LPP: variants seen among roughly 807,000 people sequenced by gnomAD.
LPP encodes the protein LIM domain containing preferred translocation partner in lipoma.
A neutral mutation model predicts 60.4 loss-of-function variants in LPP; 38 were observed. The ratio of observed to expected loss-of-function variants is 0.63; its 90% CI spans 0.49 to 0.83. The LOEUF is 0.83. Among genes scored for constraint, LPP ranks in the 40% least tolerant of loss-of-function variants. The pLI is 0.00. For missense variants in LPP, 902 were observed against 783.6 expected (o/e 1.15, Z -1.80); for synonymous variants, 328 against 290.8 (o/e 1.13, Z -1.30).
At chr3:188,340,377 G>A (rs1762717918) in intron 2 of LPP, among the ~76,000 whole-genome samples, 1 of 150,928 alleles carries the variant, frequency 6.6e-6, no homozygotes, top group African/African-American at 2.4e-5. Context: ...TTCTTGCAGG[G>A]CATCTGATCA....
intron 9 of LPP, among the ~76,000 whole-genome samples, chr3:188,768,417 C>A (rs1734815390): frequency 6.6e-6 from 1 of 152,148 alleles, no homozygotes; most frequent in Non-Finnish European, 1.5e-5. Flanking sequence ...AAATTGAATA[C>A]CACATAATAA....
intron 6 of LPP, among the ~76,000 whole-genome samples, chr3:188,538,362 C>T (rs773515274): frequency 6.6e-6 from 1 of 152,042 alleles, no homozygotes; most frequent in Non-Finnish European, 1.5e-5. Context: ...AAAAAGACAG[C>T]CCAATTAAGT....
At chr3:188,830,571 C>T (rs552445483) in intron 9 of LPP, among the ~76,000 whole-genome samples, 11 of 151,962 alleles carry the variant, frequency 7.2e-5, no homozygotes, top group African/African-American at 2.7e-4. Flanking sequence ...CACCACTGCA[C>T]TCCAGCCTGG....
Position 188,866,341 on chromosome 3 carries a change from G to T in LPP, c.1552G>T (p.Ala518Ser). 1 of 1,570,160 alleles carries T rather than the reference G, an allele frequency of 6.4e-7. No individual in the cohort carries two copies. Reference sequence around the variant, plus strand: ...GGATGGGATCCCATTCACTGTGGATGCTGGCGGGCTCATTCACTGCATTGA... The same window carrying T: ...GGATGGGATCCCATTCACTGTGGATTCTGGCGGGCTCATTCACTGCATTGA... ...SLDGIPFTVD[A>S]GGLIHCIEDF... Residue 518 changes from alanine to serine, a missense_variant, in exon 10 of 12, where the codon GCT becomes TCT. Coordinates refer to ENST00000617246, the MANE Select transcript of LPP (RefSeq NM_001375462.1).
At chr3:188,490,108 T>G (rs1041127406) in intron 5 of LPP, among the ~76,000 whole-genome samples, 2 of 152,170 alleles carry the variant, frequency 1.3e-5, no homozygotes, top group African/African-American at 2.4e-5. Flanking sequence ...TCATATTGGT[T>G]TTCTTTCCCC....
intron 7 of LPP, among the ~76,000 whole-genome samples, chr3:188,664,637 GGAGA>G (rs1050457625): frequency 1.3e-5 from 2 of 151,740 alleles, no homozygotes; most frequent in African/African-American, 2.4e-5. Flanking sequence ...GTGTGTGTGT[GGAGA>G]GAGAGAGAAG....
intron 9 of LPP, among the ~76,000 whole-genome samples, chr3:188,800,246 C>CTTTG (rs1746660692): frequency 1.0e-5 from 1 of 97,310 alleles, no homozygotes; most frequent in African/African-American, 4.1e-5. Flanking sequence ...TTGAAGCTTT[C>CTTTG]TTTTTTTTTT....
Position 188,885,574 on chromosome 3 carries a change from T to A in LPP, c.*11095T>A, listed in dbSNP as rs1021224675. The A allele has an allele frequency of 5.9e-6, 1 of 168,282 alleles. No individual in the cohort carries two copies. The highest frequency in any genetic ancestry group is 1.3e-5 in the Non-Finnish European group (1 of 77,178). The allele number at this position is 168,282 out of a possible 1,614,324, so 10.4% of individuals were successfully genotyped here. ...TTGGGTTGGTTCCAAGTCTTTGCTA[T>A]TGTGAATAGTGCCGCAATAAACATA... On this transcript the variant is annotated 3_prime_UTR_variant, in exon 12 of 12. Transcript: ENST00000617246.
chr3:188,640,189 T>C (rs566996975), intron 7 of LPP, among the ~76,000 whole-genome samples: 110 of 150,854 alleles, frequency 7.3e-4, no homozygotes, highest in African/African-American at 2.6e-3. Context: ...TATGCAGCCA[T>C]AAAAAATGAT....
At chr3:188,223,084 A>G (rs1242912084) in intron 1 of LPP, among the ~76,000 whole-genome samples, 1 of 152,192 alleles carries the variant, frequency 6.6e-6, no homozygotes, top group African/African-American at 2.4e-5. Context: ...GGCCAACTCC[A>G]TCATTCCCTT....
chr3:188,832,461 C>T (rs1458543726), intron 9 of LPP, among the ~76,000 whole-genome samples: 4 of 152,208 alleles, frequency 2.6e-5, no homozygotes, highest in African/African-American at 9.6e-5. Context: ...TCAGCTGACA[C>T]TTTGATTGCA....
chr3:188,744,162 G>A (rs536181377), intron 8 of LPP, among the ~76,000 whole-genome samples: 12 of 151,982 alleles, frequency 7.9e-5, no homozygotes, highest in Non-Finnish European at 1.2e-4. Flanking sequence ...ACTTACACAC[G>A]TGTACACAAA....
intron 4 of LPP, among the ~76,000 whole-genome samples, chr3:188,474,486 T>G (rs1271149661): frequency 1.4e-5 from 2 of 146,240 alleles, no homozygotes; most frequent in African/African-American, 4.9e-5. Context: ...CTATTTAAAG[T>G]GTTTTTATTA....
intron 9 of LPP, among the ~76,000 whole-genome samples, chr3:188,777,300 T>G (rs1257286189): frequency 2.0e-5 from 3 of 152,124 alleles, no homozygotes. Flanking sequence ...GGTTTTTTTT[T>G]TTTTTTACCT....
intron 6 of LPP, among the ~76,000 whole-genome samples, chr3:188,566,351 A>G (rs1832155443): frequency 1.3e-5 from 2 of 151,952 alleles, no homozygotes; most frequent in Non-Finnish European, 2.9e-5. Flanking sequence ...ACATAAAATA[A>G]TATTGTTTTG....
chr3:188,170,536 T>C (rs1721299007), intron 1 of LPP, among the ~76,000 whole-genome samples: 1 of 151,894 alleles, frequency 6.6e-6, no homozygotes. Context: ...TTTCACCACG[T>C]TGGCCAGGCT....
rs554993265 is a variant in LPP at position 188,375,087 on chromosome 3, C to T, written c.-9-31025C>T. On this transcript the variant is annotated intron_variant, in intron 3 of 11. Transcript: ENST00000617246. ...TGATCATGGTGGATAAGCTTCTTGA[C>T]GTGCTGCTGGATTCGGTTTGCCAGT... is the stretch of plus-strand genomic sequence containing the variant. Among the ~76,000 whole-genome samples, 1,460 of 151,618 alleles carry T rather than the reference C, an allele frequency of 9.6e-3. 19 individuals carry two copies. The highest frequency in any genetic ancestry group is 0.032 in the African/African-American group (1,308 of 41,000).
intron 1 of LPP, among the ~76,000 whole-genome samples, chr3:188,178,275 A>C (rs1723677767): frequency 6.6e-6 from 1 of 152,214 alleles, no homozygotes; most frequent in Non-Finnish European, 1.5e-5. Flanking sequence ...TGTCTTTCCC[A>C]GCCCCCTCCT....
intron 7 of LPP, among the ~76,000 whole-genome samples, chr3:188,657,819 A>G (rs571570846): frequency 2.0e-5 from 3 of 152,340 alleles, no homozygotes; most frequent in East Asian, 3.9e-4. Flanking sequence ...CTTCTATGAT[A>G]ATACTCTTAC....
Sources: gnomAD v4.1 joint callset for allele counts (sites outside exome capture counted in the v4.1 genomes callset) on GRCh38, gnomAD v4.1.1 for gene constraint, MANE v1.5 for transcripts, NCBI Gene and HGNC (gene_info 2026-07-23, HGNC 2026-07-21) for gene names.